Variants in COLEC10 observed in about 807,000 individuals in gnomAD.
COLEC10 encodes collectin-10.
COLEC10 carries 22 observed loss-of-function variants against 28.4 expected under a neutral mutation model. The ratio of observed to expected loss-of-function variants is 0.78; its 90% confidence interval spans 0.55 to 1.11. COLEC10 has a LOEUF of 1.11. Among genes scored for constraint, COLEC10 ranks in the 50% least tolerant of loss-of-function variants. The pLI is 0.00. For synonymous variants in COLEC10, 125 were observed against 116.1 expected (o/e 1.08, Z -0.49); for missense variants, 361 against 344.1 (o/e 1.05, Z -0.39).
At chr8:118,982,167 A>G in the COLEC10 span, among the ~76,000 whole-genome samples, 2 of 152,188 alleles carry the variant, frequency 1.3e-5, no homozygotes, top group African/African-American at 4.8e-5. Context: ...ATACTTACCT[A>G]TCTAATGCTT....
At chr8:119,081,279 G>C (rs1487351260) in intron 1 of COLEC10, among the ~76,000 whole-genome samples, 3 of 152,080 alleles carry the variant, frequency 2.0e-5, no homozygotes, top group Non-Finnish European at 4.4e-5. Context: ...ATATGATACA[G>C]ACTTATACAT....
At chr8:119,088,279 T>G (rs1422029675) in intron 1 of COLEC10, among the ~76,000 whole-genome samples, 1 of 151,882 alleles carries the variant, frequency 6.6e-6, no homozygotes, top group Non-Finnish European at 1.5e-5. Flanking sequence ...TTTCATCTAG[T>G]TCACTCAATT....
At chr8:119,040,407 G>T (rs1814472861) in intron 2 of COLEC10, among the ~76,000 whole-genome samples, 2 of 152,156 alleles carry the variant, frequency 1.3e-5, no homozygotes, top group South Asian at 4.1e-4. Flanking sequence ...TAAGGTGGAA[G>T]ATTGAAAATT....
intron 2 of COLEC10, among the ~76,000 whole-genome samples, chr8:119,044,515 T>C (rs1253042876): frequency 6.6e-6 from 1 of 151,770 alleles, no homozygotes; most frequent in East Asian, 1.9e-4. Flanking sequence ...AAAATGAAAA[T>C]ATATGAAAGA....
chr8:119,012,677 T>A (rs1451438429), intron 2 of COLEC10, among the ~76,000 whole-genome samples: 2 of 150,756 alleles, frequency 1.3e-5, no homozygotes, highest in Non-Finnish European at 3.0e-5. Context: ...GATTGTTTAT[T>A]TCTTCTTGTG....
At chr8:119,034,840 T>C (rs1348285762) in intron 2 of COLEC10, among the ~76,000 whole-genome samples, 1 of 152,220 alleles carries the variant, frequency 6.6e-6, no homozygotes, top group African/African-American at 2.4e-5. Flanking sequence ...TGAACCTCCA[T>C]TTCTCATCTG....
At chr8:119,019,621 G>A (rs1814057465) in intron 2 of COLEC10, among the ~76,000 whole-genome samples, 1 of 151,998 alleles carries the variant, frequency 6.6e-6, no homozygotes, top group Non-Finnish European at 1.5e-5. Flanking sequence ...CCACAGACCA[G>A]GTAAGAGGCC....
intron 1 of COLEC10, among the ~76,000 whole-genome samples, chr8:119,005,696 G>A (rs757983106): frequency 3.6e-4 from 55 of 152,242 alleles, no homozygotes; most frequent in Non-Finnish European, 5.1e-4. Flanking sequence ...ACAGACCTCT[G>A]TGATGGGATT....
At chr8:119,024,531 C>G (rs532909782) in intron 2 of COLEC10, among the ~76,000 whole-genome samples, 1 of 151,718 alleles carries the variant, frequency 6.6e-6, no homozygotes, top group Admixed American at 6.6e-5. Flanking sequence ...AACCAACACA[C>G]AAACACACAC....
chr8:119,085,364 G>C (rs933961663), intron 1 of COLEC10, among the ~76,000 whole-genome samples: 3 of 152,070 alleles, frequency 2.0e-5, no homozygotes, highest in African/African-American at 7.2e-5. Context: ...ACTAGGGAGT[G>C]GTTTGTTTTA....
chr8:119,054,977 A>G (rs1814737687), intron 2 of COLEC10, among the ~76,000 whole-genome samples: 1 of 152,120 alleles, frequency 6.6e-6, no homozygotes, highest in East Asian at 1.9e-4. Flanking sequence ...TGAGAATTTT[A>G]TATGATGTAA....
chr8:119,070,309 CCTAT>C (rs1444183256), intron 1 of COLEC10, among the ~76,000 whole-genome samples: 23 of 152,204 alleles, frequency 1.5e-4, no homozygotes, highest in Admixed American at 9.8e-4. Context: ...TCCTTCTCTC[CCTAT>C]CTAAGTCTGT....
the COLEC10 span, among the ~76,000 whole-genome samples, chr8:118,972,206 A>G: frequency 1.3e-5 from 2 of 151,944 alleles, no homozygotes; most frequent in African/African-American, 4.8e-5. Flanking sequence ...TGATCCTGCA[A>G]TTCATTTATT....
In COLEC10 at chr8:119,011,387, G is replaced by A. The variant is rs140086734; in HGVS notation, n.235+1834G>A. On this transcript the variant is annotated intron_variant and non_coding_transcript_variant, in intron 2 of 6. Coordinates refer to the COLEC10 transcript ENST00000521788. ...CACTGTTTTGAGTAGTGTAGCTTTA[G>A]AATAAGTCCTTGGGTCAGGTAATGC... 1.1e-4 allele frequency among the ~76,000 whole-genome samples: 16 copies of A among 150,912 alleles called. 1 individual carries two copies. Among genetic ancestry groups the A allele is most frequent in the African/African-American group, 4.0e-4 (16 of 40,428 alleles).
At chr8:119,067,459 A>G in intron 1 of COLEC10, 30 bp downstream of exon 1, 2 of 1,603,022 alleles carry the variant, frequency 1.2e-6, no homozygotes, top group African/African-American at 1.3e-5. Context: ...ATTTTCATGT[A>G]TAATAAATAT....
Position 119,014,946 on chromosome 8 carries a change from T to C in COLEC10, n.235+5393T>C, listed in dbSNP as rs186609956. Among the ~76,000 whole-genome samples, 3 of 151,230 alleles carry C rather than the reference T, an allele frequency of 2.0e-5. No homozygotes were observed. The East Asian group carries it at 5.8e-4, about 29-fold the overall frequency. ...TTTCTTAGAATTTCCATCTCTCCAC[T>C]TACGTTGCACAACTCTTCCTGTATG... On this transcript the variant is annotated intron_variant and non_coding_transcript_variant, in intron 2 of 6. Transcript: ENST00000521788.
At chr8:118,975,775 A>G in the COLEC10 span, among the ~76,000 whole-genome samples, 5 of 152,048 alleles carry the variant, frequency 3.3e-5, no homozygotes, top group Admixed American at 3.3e-4. Context: ...GAACGTTCCA[A>G]CCCTGAAGTA....
the COLEC10 span, among the ~76,000 whole-genome samples, chr8:118,959,692 A>G: frequency 1.3e-5 from 2 of 152,210 alleles, no homozygotes; most frequent in African/African-American, 4.8e-5. Flanking sequence ...GCTACTACCT[A>G]CATGAAACTA....
upstream of COLEC10, among the ~76,000 whole-genome samples, chr8:118,992,291 A>C (rs1038480628): frequency 6.6e-6 from 1 of 152,144 alleles, no homozygotes; most frequent in African/African-American, 2.4e-5. Context: ...TGTGCTCTTC[A>C]GTGTGAGAAA....
Sources: gnomAD v4.1 joint callset for allele counts (sites outside exome capture counted in the v4.1 genomes callset) on GRCh38, gnomAD v4.1.1 for gene constraint, MANE v1.5 for transcripts, NCBI Gene and HGNC (gene_info 2026-07-23, HGNC 2026-07-21) for gene names.